ARAP2: variants seen among roughly 807,000 people sequenced by gnomAD.
The protein encoded by ARAP2 is arf-GAP with Rho-GAP domain, ANK repeat and PH domain-containing protein 2.
ARAP2 carries 148 observed loss-of-function variants against 194.5 expected under a neutral mutation model. The ratio of observed to expected loss-of-function variants is 0.76; its 90% CI spans 0.67 to 0.87. The LOEUF (loss-of-function observed/expected upper bound fraction) is 0.87, where lower values mean the gene tolerates loss of function less well. Among genes scored for constraint, ARAP2 ranks in the 40% least tolerant of loss-of-function variants. ARAP2 has a pLI of 0.00. For missense variants in ARAP2, 2,128 were observed against 1,989.7 expected, an observed-to-expected ratio of 1.07 and a Z score of -1.32; for synonymous variants, 695 against 683.5, an observed-to-expected ratio of 1.02 and a Z score of -0.26.
chr4:36,025,850 A>AT (rs1356255623), intron 5 of ARAP2, among the ~76,000 whole-genome samples: 3 of 152,030 alleles, frequency 2.0e-5, no homozygotes, highest in Admixed American at 6.6e-5. Context: ...AATGTTCATG[A>AT]TTTTTTTCCC....
At chr4:36,183,487 C>T (rs1739770861) in intron 8 of ARAP2, among the ~76,000 whole-genome samples, 1 of 152,070 alleles carries the variant, frequency 6.6e-6, no homozygotes, top group South Asian at 2.1e-4. Flanking sequence ...AAAGGGAATG[C>T]CCACTCAAAA....
intron 28 of ARAP2, among the ~76,000 whole-genome samples, chr4:36,085,244 T>C (rs1200782049): frequency 2.0e-5 from 3 of 152,066 alleles, no homozygotes; most frequent in East Asian, 1.9e-4. Flanking sequence ...CTTTTGGGGG[T>C]TGGTTTCTTA....
intron 19 of ARAP2, among the ~76,000 whole-genome samples, chr4:36,137,655 A>G (rs1342335374): frequency 2.0e-5 from 3 of 151,572 alleles, no homozygotes; most frequent in African/African-American, 7.3e-5. Flanking sequence ...TTTTTTTTCC[A>G]TATATGACTA....
At chr4:36,063,228 T>C (rs1326617766), downstream of ARAP2, among the ~76,000 whole-genome samples, 9 of 152,118 alleles carry the variant, frequency 5.9e-5, no homozygotes, top group Middle Eastern at 3.4e-3. Context: ...AAACACCGCA[T>C]GTTCTCACTC....
At chr4:36,097,346 A>G (rs1014396097) in intron 27 of ARAP2, among the ~76,000 whole-genome samples, 17 of 152,100 alleles carry the variant, frequency 1.1e-4, no homozygotes, top group Admixed American at 1.0e-3. Context: ...AAGACTTTCT[A>G]AAAGCTCTCA....
At chr4:36,147,403 G>A (rs1567483) in intron 18 of ARAP2, 44 bp from the exon 19 acceptor site, 1,488,543 of 1,600,744 alleles carry the variant, frequency 0.93, 692,615 homozygotes, top group African/African-American at 0.98. Context: ...TTAAAACACT[G>A]TAATAAACAC....
intron 9 of ARAP2, among the ~76,000 whole-genome samples, chr4:36,011,359 T>C (rs1714517057): frequency 6.6e-6 from 1 of 152,182 alleles, no homozygotes; most frequent in Non-Finnish European, 1.5e-5. Flanking sequence ...GGACAATATT[T>C]TGTAAAATAT....
intron 19 of ARAP2, among the ~76,000 whole-genome samples, chr4:36,140,203 G>T (rs1287876807): frequency 1.4e-5 from 2 of 146,072 alleles, no homozygotes; most frequent in Non-Finnish European, 1.5e-5. Flanking sequence ...TCATTCTTTT[G>T]TCCATTTTTT....
intron 19 of ARAP2, 105 bp downstream of exon 19, chr4:36,147,191 A>G: frequency 1.0e-6 from 1 of 997,412 alleles, no homozygotes; most frequent in African/African-American, 1.6e-5. Flanking sequence ...AGAAAATTTC[A>G]ACAGGTTTTA....
At chr4:36,187,424 T>C in intron 8 of ARAP2, 27 bp downstream of exon 8, 1 of 1,264,618 alleles carries the variant, frequency 7.9e-7, no homozygotes, top group Non-Finnish European at 1.1e-6. Context: ...ATTAATGTAT[T>C]TCATATGGAT....
At chr4:36,012,977 G>T (rs1714824963) in intron 8 of ARAP2, 1 of 152,116 alleles carries the variant, frequency 6.6e-6, no homozygotes, top group Admixed American at 6.5e-5. Context: ...ATAGTCTAAA[G>T]TTTTGTAAAT....
At position 36,235,617 on chromosome 4, in the gene ARAP2, CT is replaced by C. The variant is rs1752294781; in HGVS notation, c.-159-5973del. On this transcript the variant is annotated intron_variant, in intron 1 of 32. Transcript: ENST00000303965. ...TTGACTGCTCTGAGAGGTCAGGGAT[CT>C]TGTCTACTGTTCACTGCTCAGCTCA... Among the ~76,000 whole-genome samples the C allele has an allele frequency of 2.0e-5, 3 of 152,214 alleles. No homozygotes were observed. In the South Asian group the frequency reaches 6.2e-4, roughly 31 times the overall value.
intron 7 of ARAP2, among the ~76,000 whole-genome samples, chr4:36,188,593 A>G (rs1448305515): frequency 6.6e-6 from 1 of 152,216 alleles, no homozygotes; most frequent in Non-Finnish European, 1.5e-5. Context: ...AACAACATAG[A>G]GTCAAAAGAT....
At chr4:36,119,613 T>G in intron 24 of ARAP2, 37 bp downstream of exon 24, 1 of 1,449,044 alleles carries the variant, frequency 6.9e-7, no homozygotes, top group Non-Finnish European at 9.6e-7. Context: ...GTTTTTGTTT[T>G]GTTTAATTAT....
chr4:36,061,960 T>C (rs1350404349), downstream of ARAP2, among the ~76,000 whole-genome samples: 4 of 152,196 alleles, frequency 2.6e-5, no homozygotes, highest in Admixed American at 6.5e-5. Context: ...TTAAGAAGGG[T>C]ATATTCAAAT....
At chr4:36,036,531 T>C (rs1719954777) in intron 5 of ARAP2, among the ~76,000 whole-genome samples, 1 of 152,118 alleles carries the variant, frequency 6.6e-6, no homozygotes, top group Non-Finnish European at 1.5e-5. Context: ...TCAATGATAA[T>C]GATTAATATA....
chr4:36,130,381 C>T (rs1360049152), intron 20 of ARAP2, among the ~76,000 whole-genome samples: 1 of 151,906 alleles, frequency 6.6e-6, no homozygotes, highest in Non-Finnish European at 1.5e-5. Flanking sequence ...TCCTCCTTCT[C>T]ACACTAAGCT....
At chr4:36,039,788 G>A (rs963001810) in intron 5 of ARAP2, among the ~76,000 whole-genome samples, 3 of 152,094 alleles carry the variant, frequency 2.0e-5, no homozygotes, top group Non-Finnish European at 4.4e-5. Flanking sequence ...TGGAAGAGGT[G>A]TCATAAAGAA....
chr4:36,107,892 CATA>C (rs1295590688), intron 26 of ARAP2, among the ~76,000 whole-genome samples, 199 bp from the exon 27 acceptor site: 2 of 151,848 alleles, frequency 1.3e-5, no homozygotes, highest in African/African-American at 4.8e-5. Flanking sequence ...TTATTAAGCA[CATA>C]ATAACATTTA....
Sources: allele counts gnomAD v4.1 joint callset (sites outside exome capture counted in the v4.1 genomes callset), GRCh38; gene constraint gnomAD v4.1.1; transcripts MANE v1.5; gene names NCBI Gene and HGNC (gene_info 2026-07-23, HGNC 2026-07-21).